GTF2I: variants seen among roughly 807,000 people sequenced by gnomAD.
GTF2I encodes general transcription factor II-I.
Under a neutral mutation model 67.6 loss-of-function variants are expected in GTF2I, and 12 were observed. The observed-to-expected ratio is 0.18, with a 90% CI of 0.11 to 0.29. GTF2I has a LOEUF of 0.29. Ranked by LOEUF, GTF2I falls within the 10% of genes least tolerant of loss-of-function variation. The pLI is 1.00. For synonymous variants in GTF2I, 149 were observed against 197.0 expected (o/e 0.76, Z 2.04); for missense variants, 271 against 580.1 (o/e 0.47, Z 5.47).
intron 24 of GTF2I, among the ~76,000 whole-genome samples, chr7:74,748,692 ACC>A: frequency 7.8e-6 from 1 of 127,774 alleles, no homozygotes; most frequent in East Asian, 3.1e-4. Context: ...TGGGCGGATC[ACC>A]TGAGGTTGGG....
chr7:74,696,469 G>A (rs1360940509), intron 3 of GTF2I, among the ~76,000 whole-genome samples: 1 of 151,858 alleles, frequency 6.6e-6, no homozygotes, highest in Non-Finnish European at 1.5e-5. Flanking sequence ...TGGGATTACA[G>A]GCGTGTGTCA....
chr7:74,694,473 G>A (rs782766864), intron 3 of GTF2I, among the ~76,000 whole-genome samples: 1 of 152,210 alleles, frequency 6.6e-6, no homozygotes, highest in African/African-American at 2.4e-5. Context: ...TGTAGTCCCA[G>A]CTGCTCTGGA....
chr7:74,708,236 G>A (rs1554401918), intron 8 of GTF2I, among the ~76,000 whole-genome samples: 1 of 152,198 alleles, frequency 6.6e-6, no homozygotes, highest in Admixed American at 6.5e-5. Flanking sequence ...TCAGGAGGTA[G>A]AGGTTACATT....
intron 3 of GTF2I, among the ~76,000 whole-genome samples, chr7:74,694,135 G>A (rs782347376): frequency 2.6e-5 from 4 of 152,212 alleles, no homozygotes; most frequent in East Asian, 1.9e-4. Flanking sequence ...TTTGAATGGT[G>A]TGGATAGAAG....
At chr7:74,674,220 C>T (rs1465488391) in intron 1 of GTF2I, among the ~76,000 whole-genome samples, 1 of 151,718 alleles carries the variant, frequency 6.6e-6, no homozygotes, top group Non-Finnish European at 1.5e-5. Flanking sequence ...CAGGCGTGTA[C>T]CACACCTGGA....
chr7:74,681,660 C>T (rs1787284346), intron 1 of GTF2I, among the ~76,000 whole-genome samples: 1 of 152,174 alleles, frequency 6.6e-6, no homozygotes, highest in Non-Finnish European at 1.5e-5. Flanking sequence ...GCCTGTAATC[C>T]TAGCATTTTG....
intron 1 of GTF2I, among the ~76,000 whole-genome samples, chr7:74,665,286 C>G (rs1394466960): frequency 6.6e-6 from 1 of 151,568 alleles, no homozygotes; most frequent in Admixed American, 6.6e-5. Context: ...GTGTCTTGCT[C>G]TGTTACCCAG....
At chr7:74,719,373 C>T (rs1285647137) in intron 12 of GTF2I, among the ~76,000 whole-genome samples, 1 of 152,134 alleles carries the variant, frequency 6.6e-6, no homozygotes, top group Non-Finnish European at 1.5e-5. Flanking sequence ...CCCCCTTCAA[C>T]GACCCGCAAA....
intron 15 of GTF2I, 89 bp downstream of exon 15, chr7:74,732,751 G>C: frequency 2.0e-6 from 3 of 1,515,748 alleles, no homozygotes; most frequent in South Asian, 2.7e-5. Flanking sequence ...TCACCACTAG[G>C]TTCTATGTGA....
At chr7:74,705,728 A>AT (rs1177070595) in intron 7 of GTF2I, among the ~76,000 whole-genome samples, 5 of 151,564 alleles carry the variant, frequency 3.3e-5, no homozygotes, top group African/African-American at 9.7e-5. Flanking sequence ...TGCCCAGCTA[A>AT]TTTTTTTGTA....
chr7:74,708,431 CA>C (rs1791069077), intron 8 of GTF2I, among the ~76,000 whole-genome samples: 1 of 152,106 alleles, frequency 6.6e-6, no homozygotes, highest in African/African-American at 2.4e-5. Flanking sequence ...ATCAGCTTTC[CA>C]TCTGACTTCT....
At chr7:74,718,975 A>G (rs782707977) in intron 12 of GTF2I, 34 bp downstream of exon 12, 3 of 1,093,118 alleles carry the variant, frequency 2.7e-6, no homozygotes, top group Admixed American at 5.0e-5. Context: ...TCCAAAGTTT[A>G]CTTCTGGTCA....
intron 1 of GTF2I, among the ~76,000 whole-genome samples, chr7:74,670,011 C>T (rs1157967978): frequency 1.3e-5 from 2 of 152,030 alleles, no homozygotes; most frequent in East Asian, 1.9e-4. Context: ...TTTATTTAGC[C>T]GTGATAATTA....
chr7:74,658,667 G>A lies in GTF2I; in HGVS notation c.-6+599G>A, dbSNP rs1372824649. Among the ~76,000 whole-genome samples, 3 of 150,378 alleles carry A rather than the reference G, an allele frequency of 2.0e-5. No individual in the cohort carries two copies. In the East Asian group the frequency reaches 6.0e-4, roughly 30 times the overall value. ...GGTAACTGCGGCGGGCGGGGGAGCGGGAGCGCTGTCCCCCGCCCCGCCCCG... is the reference window on the plus strand; with the variant it reads ...GGTAACTGCGGCGGGCGGGGGAGCGAGAGCGCTGTCCCCCGCCCCGCCCCG... On this transcript the variant is annotated intron_variant, in intron 1 of 34. Transcript: ENST00000573035.
intron 1 of GTF2I, among the ~76,000 whole-genome samples, chr7:74,685,055 T>C (rs1787583889): frequency 6.6e-6 from 1 of 152,196 alleles, no homozygotes; most frequent in East Asian, 1.9e-4. Context: ...ACATCCTTTG[T>C]AAATACAGTA....
chr7:74,672,645 T>A (rs1805559999), intron 1 of GTF2I, among the ~76,000 whole-genome samples: 2 of 152,176 alleles, frequency 1.3e-5, no homozygotes, highest in Non-Finnish European at 2.9e-5. Flanking sequence ...GATAAACTCT[T>A]AGAATTGAAG....
chr7:74,662,818 G>A (rs1056529775), intron 1 of GTF2I, among the ~76,000 whole-genome samples: 2 of 152,006 alleles, frequency 1.3e-5, no homozygotes, highest in African/African-American at 2.4e-5. Context: ...TGATTTTTAG[G>A]TTTTTAAAAT....
intron 6 of GTF2I, 22 bp from the exon 7 acceptor site, chr7:74,705,142 A>ATTT: frequency 6.7e-7 from 1 of 1,486,620 alleles, no homozygotes; most frequent in Non-Finnish European, 9.4e-7. Context: ...AACTAACTCC[A>ATTT]ATTTTTTTTT....
chr7:74,699,114 AT>A lies in GTF2I; in HGVS notation c.373+24del. On this transcript the variant is annotated intron_variant, in intron 4 of 34. Transcript: ENST00000573035. The stretch of plus-strand genomic sequence containing the variant: ...TGCTATGGTAAAAACAATAGATTTA[AT>A]TTTTCTAAAAGATACATTATATAAT... The A allele has an allele frequency of 7.2e-7, 1 of 1,386,648 alleles. No homozygotes were observed. Among genetic ancestry groups the A allele is most frequent in the South Asian group, 1.6e-5 (1 of 64,440 alleles). The allele number at this position is 1,386,648 out of a possible 1,614,324, so 85.9% of individuals were successfully genotyped here. A position where few individuals can be genotyped will look rare whatever the true frequency, so the allele number is the denominator to read the frequency against.
Sources: allele counts gnomAD v4.1 joint callset (sites outside exome capture counted in the v4.1 genomes callset), GRCh38; gene constraint gnomAD v4.1.1; transcripts MANE v1.5; gene names NCBI Gene and HGNC (gene_info 2026-07-23, HGNC 2026-07-21).